The following MARCHF1 variants were observed in gnomAD, a reference collection of about 807,000 sequenced individuals.
MARCHF1 encodes membrane associated ring-CH-type finger 1, also known as E3 ubiquitin-protein ligase MARCHF1.
MARCHF1 carries 40 observed loss-of-function variants against 54.2 expected under a neutral mutation model. The observed-to-expected ratio is 0.74, with a 90% CI of 0.57 to 0.96. MARCHF1 has a LOEUF of 0.96. MARCHF1 is among the 40% of genes least tolerant of loss of function. The pLI is 0.00. For missense variants in MARCHF1, 586 were observed against 656.5 expected, an observed-to-expected ratio of 0.89 and a Z score of 1.17; for synonymous variants, 236 against 236.3, an observed-to-expected ratio of 1.00 and a Z score of 0.01.
rs529312913 is a variant in MARCHF1, at chr4:164,010,103, G to T, written c.-247-21394C>A. 3.3e-4 allele frequency among the ~76,000 whole-genome samples: 41 copies of T among 122,630 alleles called. No individual in the cohort carries two copies. The Admixed American group carries it at 3.7e-3, about 11-fold the overall frequency. 80.5% of individuals were successfully genotyped at this position (122,630 alleles called of 152,430 possible). A position where few individuals can be genotyped will look rare whatever the true frequency, so the allele number is the denominator to read the frequency against. On this transcript the variant is annotated intron_variant, in intron 2 of 9. Coordinates refer to ENST00000514618, the MANE Select transcript of MARCHF1 (RefSeq NM_001394959.1). ...TTTTTTTTAGGCGGAGTCTCATTCT[G>T]CCATGCAGGCTGGACTGCAGTGGCG...
intron 3 of MARCHF1, among the ~76,000 whole-genome samples, chr4:163,940,091 C>A (rs1751880763): frequency 6.6e-6 from 1 of 152,084 alleles, no homozygotes. Context: ...CCACTCTCCA[C>A]CATGTGATAA....
At chr4:164,319,392 G>C (rs1210385760) in intron 1 of MARCHF1, among the ~76,000 whole-genome samples, 1 of 152,230 alleles carries the variant, frequency 6.6e-6, no homozygotes, top group East Asian at 1.9e-4. Context: ...AGGAATGACT[G>C]TACACTGACC....
At chr4:163,666,494 T>A (rs72991591) in intron 5 of MARCHF1, among the ~76,000 whole-genome samples, 1 of 152,060 alleles carries the variant, frequency 6.6e-6, no homozygotes, top group South Asian at 2.1e-4. Flanking sequence ...TTATCCAGAA[T>A]TTTTTAAGGA....
In MARCHF1 at chr4:164,340,418, T is replaced by C. The variant is rs538420794; in HGVS notation, c.-323+43452A>G. 1.4e-4 allele frequency among the ~76,000 whole-genome samples: 17 copies of C among 124,148 alleles called. 4 individuals carry two copies. Among genetic ancestry groups the C allele is most frequent in the South Asian group, 7.5e-4 (3 of 3,984 alleles). 81.4% of individuals were successfully genotyped at this position (124,148 alleles called of 152,430 possible). A position where few individuals can be genotyped will look rare whatever the true frequency, so the allele number is the denominator to read the frequency against. On this transcript the variant is annotated intron_variant, in intron 1 of 9. Transcript: ENST00000514618. ...CCAGGCCTTGATTTATATATAGATA[T>C]ATATATATATATATATAGTTTGTTT...
chr4:163,901,058 C>A (rs1310980061), intron 3 of MARCHF1, among the ~76,000 whole-genome samples: 1 of 152,148 alleles, frequency 6.6e-6, no homozygotes, highest in Non-Finnish European at 1.5e-5. Flanking sequence ...TTGGTGAGAA[C>A]CATCCCATTG....
chr4:163,924,384 G>A (rs1357548890), intron 3 of MARCHF1, among the ~76,000 whole-genome samples: 1 of 152,060 alleles, frequency 6.6e-6, no homozygotes, highest in Non-Finnish European at 1.5e-5. Context: ...AGACTTGCAT[G>A]TAAAATGTGG....
At chr4:164,086,488 A>G (rs1366246882) in intron 2 of MARCHF1, among the ~76,000 whole-genome samples, 2 of 152,032 alleles carry the variant, frequency 1.3e-5, no homozygotes, top group African/African-American at 4.8e-5. Flanking sequence ...ACTACTGTAC[A>G]CACCAGTTAT....
At chr4:163,756,786 G>C (rs1041366117) in intron 4 of MARCHF1, among the ~76,000 whole-genome samples, 4 of 151,890 alleles carry the variant, frequency 2.6e-5, no homozygotes, top group African/African-American at 4.8e-5. Flanking sequence ...TCTAGTATAA[G>C]CATCCTGTTT....
chr4:163,900,888 T>C (rs73868931), intron 3 of MARCHF1, among the ~76,000 whole-genome samples: 1,845 of 152,316 alleles, frequency 0.012, 42 homozygotes, highest in African/African-American at 0.042. Context: ...TAATATATCA[T>C]TTAACAATTA....
intron 3 of MARCHF1, among the ~76,000 whole-genome samples, chr4:163,916,324 C>T (rs948677035): frequency 1.1e-4 from 15 of 137,734 alleles, no homozygotes; most frequent in African/African-American, 3.5e-4. Context: ...TAATCCAATG[C>T]CTAGATATAA....
intron 1 of MARCHF1, among the ~76,000 whole-genome samples, chr4:164,312,155 C>A (rs1186146827): frequency 6.6e-6 from 1 of 152,056 alleles, no homozygotes; most frequent in Non-Finnish European, 1.5e-5. Flanking sequence ...CATGTATTCT[C>A]AATCCTCCAG....
chr4:164,052,146 T>G (rs201101199), intron 2 of MARCHF1, among the ~76,000 whole-genome samples: 10,415 of 53,780 alleles, frequency 0.19, 452 homozygotes, highest in South Asian at 0.3. Flanking sequence ...TTTTTTTTTT[T>G]GTTTTTTTTG....
chr4:164,307,507 T>C (rs1181272300), intron 1 of MARCHF1, among the ~76,000 whole-genome samples: 1 of 152,236 alleles, frequency 6.6e-6, no homozygotes, highest in East Asian at 1.9e-4. Flanking sequence ...CCCAACCCTG[T>C]GTAATCCTTG....
intron 2 of MARCHF1, among the ~76,000 whole-genome samples, chr4:164,046,757 T>C (rs2111033169): frequency 6.6e-6 from 1 of 152,234 alleles, no homozygotes; most frequent in East Asian, 1.9e-4. Flanking sequence ...TGAGGCTTAG[T>C]GAAAGAAACT....
intron 4 of MARCHF1, among the ~76,000 whole-genome samples, chr4:163,808,954 C>A (rs971451019): frequency 6.6e-6 from 1 of 152,140 alleles, no homozygotes; most frequent in African/African-American, 2.4e-5. Context: ...ACTGTCTCGT[C>A]TATTTCATAC....
rs144552804 is a variant in MARCHF1 at position 163,764,677 on chromosome 4, A to T, written c.112-63814T>A. On this transcript the variant is annotated intron_variant, in intron 4 of 9. Coordinates refer to ENST00000514618, the MANE Select transcript of MARCHF1 (RefSeq NM_001394959.1). ...ACGACTGCAGTGACCATGTAAATGT[A>T]TTAATAGAAAACCCAAGAGGGATGA... 3.0e-3 allele frequency among the ~76,000 whole-genome samples: 449 copies of T among 152,202 alleles called. 2 individuals are homozygous for T. The highest frequency in any genetic ancestry group is 0.01 in the African/African-American group (427 of 41,574).
intron 1 of MARCHF1, among the ~76,000 whole-genome samples, chr4:164,151,859 T>C (rs898455763): frequency 2.3e-4 from 35 of 152,290 alleles, no homozygotes; most frequent in African/African-American, 8.2e-4. Context: ...CTTCATGTGT[T>C]TATAGAACTG....
chr4:163,637,874 A>G (rs1159594845), intron 5 of MARCHF1, among the ~76,000 whole-genome samples: 8 of 151,400 alleles, frequency 5.3e-5, no homozygotes, highest in African/African-American at 1.9e-4. Context: ...CTGGATTAAG[A>G]AAATGTGGCA....
chr4:163,619,591 C>T (rs1009562195), intron 5 of MARCHF1, among the ~76,000 whole-genome samples: 6 of 151,624 alleles, frequency 4.0e-5, no homozygotes, highest in African/African-American at 1.5e-4. Flanking sequence ...AACTGAGAGG[C>T]TAGGAATCTA....
Sources: gnomAD v4.1 joint callset for allele counts (sites outside exome capture counted in the v4.1 genomes callset) on GRCh38, gnomAD v4.1.1 for gene constraint, MANE v1.5 for transcripts, NCBI Gene and HGNC (gene_info 2026-07-23, HGNC 2026-07-21) for gene names.